DIP2B: variants seen among roughly 807,000 people sequenced by gnomAD.
DIP2B encodes DIP2 acetate--CoA ligase B (putative), also known as disco-interacting protein 2 homolog B.
A neutral mutation model predicts 198.0 loss-of-function variants in DIP2B; 76 were observed. The ratio of observed to expected loss-of-function variants is 0.38; its 90% confidence interval spans 0.32 to 0.46. The LOEUF (loss-of-function observed/expected upper bound fraction) is 0.46. Among genes scored for constraint, DIP2B ranks in the 20% least tolerant of loss-of-function variants. DIP2B has a pLI of 0.99. For synonymous variants in DIP2B, 701 were observed against 739.1 expected (o/e 0.95, Z 0.84); for missense variants, 1,559 against 1,978.4 (o/e 0.79, Z 4.02).
In DIP2B at chr12:50,634,540, A is replaced by T. The variant is rs368558771; in HGVS notation, c.173-6184A>T. ...CACCAAGGAGACAGCATGGGACAAG[A>T]CACTGCCCAGAACCTACCTGGCTTG... On this transcript the variant is annotated intron_variant, in intron 2 of 37. Transcript: ENST00000301180. Among the ~76,000 whole-genome samples the T allele has an allele frequency of 9.2e-5, 14 of 152,336 alleles. No homozygotes were observed. In the East Asian group the frequency reaches 2.5e-3, roughly 27 times the overall value.
intron 1 of DIP2B, among the ~76,000 whole-genome samples, chr12:50,553,651 T>C (rs1958445719): frequency 2.0e-5 from 3 of 152,146 alleles, no homozygotes; most frequent in Admixed American, 2.0e-4. Context: ...GTGTTTTTCC[T>C]TTATTCTTTT....
chr12:50,629,590 C>G (rs867479532), intron 2 of DIP2B, among the ~76,000 whole-genome samples: 1 of 152,156 alleles, frequency 6.6e-6, no homozygotes. Flanking sequence ...ATCTTCAACC[C>G]GATCTCTTCC....
At chr12:50,602,703 A>G (rs1466212707) in intron 1 of DIP2B, among the ~76,000 whole-genome samples, 1 of 151,634 alleles carries the variant, frequency 6.6e-6, no homozygotes, top group Non-Finnish European at 1.5e-5. Context: ...TACTAAAAAT[A>G]CAAAACTTAG....
intron 8 of DIP2B, chr12:50,680,262 A>AAG (rs1225772331): frequency 6.6e-6 from 1 of 152,484 alleles, no homozygotes; most frequent in East Asian, 1.9e-4. Context: ...TCTGTCTTAA[A>AAG]AAAAAAAAAA....
chr12:50,730,714 G>T (rs891521521), intron 30 of DIP2B, among the ~76,000 whole-genome samples: 1 of 152,026 alleles, frequency 6.6e-6, no homozygotes, highest in African/African-American at 2.4e-5. Context: ...ATTTCTGATC[G>T]CTTCAAACAT....
intron 1 of DIP2B, among the ~76,000 whole-genome samples, chr12:50,604,943 C>T (rs895485529): frequency 2.6e-5 from 4 of 151,958 alleles, no homozygotes; most frequent in South Asian, 4.2e-4. Flanking sequence ...AGTACGTAGC[C>T]GGTATCACTT....
intron 2 of DIP2B, among the ~76,000 whole-genome samples, chr12:50,626,926 A>G (rs1442648348): frequency 1.3e-5 from 2 of 152,204 alleles, no homozygotes; most frequent in Non-Finnish European, 2.9e-5. Flanking sequence ...ATATACCAAT[A>G]TATTTCTTTG....
At chr12:50,691,580 C>T (rs987577580) in intron 13 of DIP2B, among the ~76,000 whole-genome samples, 2 of 152,186 alleles carry the variant, frequency 1.3e-5, no homozygotes, top group African/African-American at 4.8e-5. Context: ...GCATAAACCA[C>T]TATTTGCCTC....
intron 1 of DIP2B, among the ~76,000 whole-genome samples, chr12:50,599,942 A>G (rs1958920940): frequency 6.6e-6 from 1 of 152,222 alleles, no homozygotes; most frequent in Non-Finnish European, 1.5e-5. Flanking sequence ...CTCTAAGGAC[A>G]TCCGTATTTA....
chr12:50,667,541 C>G (rs1938776876), intron 4 of DIP2B, among the ~76,000 whole-genome samples: 1 of 152,148 alleles, frequency 6.6e-6, no homozygotes, highest in Non-Finnish European at 1.5e-5. Context: ...AATCCCAGAG[C>G]AGTGCTACAT....
chr12:50,600,023 C>T (rs1046240324), intron 1 of DIP2B, among the ~76,000 whole-genome samples: 1 of 152,126 alleles, frequency 6.6e-6, no homozygotes, highest in Non-Finnish European at 1.5e-5. Flanking sequence ...ATATTGAGAA[C>T]CTTTGTTTTT....
At chr12:50,686,548 A>C in intron 11 of DIP2B, 25 bp from the exon 12 acceptor site, 1 of 1,611,334 alleles carries the variant, frequency 6.2e-7, no homozygotes, top group Non-Finnish European at 8.5e-7. Context: ...TAGGCAATTC[A>C]ATTTTCACTT....
chr12:50,652,370 C>T (rs1156971852), intron 3 of DIP2B, among the ~76,000 whole-genome samples: 6 of 146,368 alleles, frequency 4.1e-5, no homozygotes, highest in Non-Finnish European at 6.0e-5. Context: ...CACACACACA[C>T]GCACACACAC....
intron 22 of DIP2B, 28 bp from the exon 23 acceptor site, chr12:50,714,367 C>CT: frequency 6.2e-7 from 1 of 1,612,944 alleles, no homozygotes; most frequent in Non-Finnish European, 8.5e-7. Flanking sequence ...AGTGATCTCA[C>CT]TGAGTATTTT....
intron 1 of DIP2B, among the ~76,000 whole-genome samples, chr12:50,577,268 A>G (rs972940806): frequency 7.9e-5 from 12 of 152,324 alleles, no homozygotes; most frequent in Non-Finnish European, 1.8e-4. Context: ...GCCATGGCTC[A>G]TGCCTGTAAT....
chr12:50,619,607 G>A (rs891831765), intron 1 of DIP2B, among the ~76,000 whole-genome samples: 1 of 152,212 alleles, frequency 6.6e-6, no homozygotes, highest in African/African-American at 2.4e-5. Flanking sequence ...TTGTTTGCCT[G>A]TGCCTCTTCT....
intron 1 of DIP2B, among the ~76,000 whole-genome samples, chr12:50,582,145 G>GTTTTTTTTTTTTTTTTTTTT (rs367699036): frequency 1.3e-4 from 10 of 77,552 alleles, no homozygotes; most frequent in Non-Finnish European, 1.9e-4. Context: ...CTTTTTTTCT[G>GTTTTTTTTTTTTTTTTTTTT]TTTTTTTTTT....
At chr12:50,536,714 C>T (rs1958271107) in intron 1 of DIP2B, among the ~76,000 whole-genome samples, 1 of 151,890 alleles carries the variant, frequency 6.6e-6, no homozygotes, top group Non-Finnish European at 1.5e-5. Flanking sequence ...ACTACAGTTG[C>T]ATGCCACCAT....
chr12:50,544,962 A>T (rs1593596502), intron 1 of DIP2B, among the ~76,000 whole-genome samples: 1 of 152,192 alleles, frequency 6.6e-6, no homozygotes, highest in African/African-American at 2.4e-5. Flanking sequence ...GTGGTTTCTT[A>T]TGACTGTAAT....
Sources: gnomAD v4.1 joint callset for allele counts (sites outside exome capture counted in the v4.1 genomes callset) on GRCh38, gnomAD v4.1.1 for gene constraint, MANE v1.5 for transcripts, NCBI Gene and HGNC (gene_info 2026-07-23, HGNC 2026-07-21) for gene names.